DYM: variants seen among roughly 807,000 people sequenced by gnomAD.
The protein encoded by DYM is dyggve-Melchior-Clausen syndrome protein.
In DYM, 78 loss-of-function variants were observed where a neutral mutation model predicts 93.1. The ratio of observed to expected loss-of-function variants is 0.84; its 90% CI spans 0.70 to 1.01. DYM has a LOEUF of 1.01. DYM is among the 50% of genes least tolerant of loss of function. DYM has a pLI of 0.00. For missense variants in DYM, 789 were observed against 845.0 expected, an observed-to-expected ratio of 0.93 and a Z score of 0.82; for synonymous variants, 321 against 319.7, an observed-to-expected ratio of 1.00 and a Z score of -0.04.
intron 16 of DYM, among the ~76,000 whole-genome samples, chr18:49,114,071 G>A (rs1044725834): frequency 6.6e-6 from 1 of 152,146 alleles, no homozygotes; most frequent in African/African-American, 2.4e-5. Flanking sequence ...GATGGCGAAA[G>A]GGCCAATGAC....
chr18:49,220,990 T>A lies in DYM; in HGVS notation c.1461-11275A>T, dbSNP rs537252755. On this transcript the variant is annotated intron_variant, in intron 13 of 17. Coordinates refer to ENST00000675505, the MANE Select transcript of DYM (RefSeq NM_001353214.3). ...GGCAACCTAGAGAATGGGAGAAAAT[T>A]TTCGCAACCTACTCATCTGACAAAG... Among the ~76,000 whole-genome samples, 9 of 152,138 alleles carry A rather than the reference T, an allele frequency of 5.9e-5. No individual in the cohort carries two copies. The East Asian group carries it at 1.5e-3, about 26-fold the overall frequency.
chr18:49,228,925 A>G (rs1469210364), intron 13 of DYM, among the ~76,000 whole-genome samples: 3 of 152,152 alleles, frequency 2.0e-5, no homozygotes, highest in Non-Finnish European at 4.4e-5. Flanking sequence ...TTTATCTCAC[A>G]TCTGAATAAA....
intron 17 of DYM, among the ~76,000 whole-genome samples, chr18:49,094,669 G>A (rs1221706243): frequency 6.6e-6 from 1 of 152,124 alleles, no homozygotes; most frequent in East Asian, 1.9e-4. Flanking sequence ...ATTTTAGAAG[G>A]CTATGTCAAA....
At chr18:49,350,726 G>GAAAAAAAAAAAAAAA (rs72289769) in intron 6 of DYM, among the ~76,000 whole-genome samples, 1 of 119,944 alleles carries the variant, frequency 8.3e-6, no homozygotes, top group Non-Finnish European at 1.8e-5. Context: ...GAAAAAAAAA[G>GAAAAAAAAAAAAAAA]AAAAAAAAAA....
intron 10 of DYM, among the ~76,000 whole-genome samples, chr18:49,275,323 G>A (rs186286836): frequency 6.6e-6 from 1 of 152,270 alleles, no homozygotes; most frequent in Admixed American, 6.5e-5. Flanking sequence ...CTCCATTGAT[G>A]TATTATGTCT....
intron 17 of DYM, among the ~76,000 whole-genome samples, chr18:49,084,977 T>C (rs1029746676): frequency 1.3e-5 from 2 of 152,336 alleles, no homozygotes; most frequent in South Asian, 2.1e-4. Flanking sequence ...CATTTCTTGA[T>C]ATGAAAAGCC....
intron 1 of DYM, among the ~76,000 whole-genome samples, chr18:49,443,155 T>C (rs1426129919): frequency 6.6e-6 from 1 of 152,220 alleles, no homozygotes; most frequent in Non-Finnish European, 1.5e-5. Context: ...ACCTGATTTT[T>C]ACATTTTTAA....
At chr18:49,231,278 G>C (rs1283385886) in intron 13 of DYM, among the ~76,000 whole-genome samples, 1 of 152,190 alleles carries the variant, frequency 6.6e-6, no homozygotes, top group Non-Finnish European at 1.5e-5. Context: ...CAAAGCAGAG[G>C]GGAGCTGCTC....
intron 17 of DYM, among the ~76,000 whole-genome samples, chr18:49,079,627 A>G (rs1480173064): frequency 1.3e-5 from 2 of 151,584 alleles, no homozygotes; most frequent in African/African-American, 4.8e-5. Flanking sequence ...TGCTGCCTTC[A>G]AGCATCTGTT....
intron 8 of DYM, among the ~76,000 whole-genome samples, chr18:49,300,795 T>C (rs1211507734): frequency 6.6e-6 from 1 of 152,096 alleles, no homozygotes; most frequent in East Asian, 1.9e-4. Context: ...GGCTGTTAGT[T>C]TTTCTGGGAA....
rs553760181 is a variant in DYM at position 49,155,155 on chromosome 18, T to C, written c.1728+8530A>G. ...AGGTTGAAGAATATACACACCTTTG[T>C]GGAACTGCATATCTAGCTGACTTTC... is the stretch of plus-strand genomic sequence containing the variant. On this transcript the variant is annotated intron_variant, in intron 15 of 17. Transcript: ENST00000675505. 9.8e-5 allele frequency among the ~76,000 whole-genome samples: 15 copies of C among 152,358 alleles called. No individual in the cohort carries two copies. In the East Asian group the frequency reaches 2.9e-3, roughly 29 times the overall value.
intron 2 of DYM, among the ~76,000 whole-genome samples, chr18:49,424,291 A>C (rs1314037418): frequency 6.6e-6 from 1 of 152,198 alleles, no homozygotes; most frequent in East Asian, 1.9e-4. Context: ...AACCAAGGAC[A>C]AAAACCACAT....
chr18:49,244,775 G>T (rs936365926), intron 13 of DYM, among the ~76,000 whole-genome samples: 1 of 152,182 alleles, frequency 6.6e-6, no homozygotes. Context: ...TATAGAGCCA[G>T]TAGATTTTAA....
At chr18:49,460,275 C>A (rs901111626) in intron 1 of DYM, 123 bp downstream of exon 1, 1 of 152,146 alleles carries the variant, frequency 6.6e-6, no homozygotes, top group African/African-American at 2.4e-5. Flanking sequence ...AGGGTCCCTT[C>A]GCCGCCGCCC....
intron 16 of DYM, among the ~76,000 whole-genome samples, chr18:49,115,168 G>A (rs776104449): frequency 4.6e-5 from 7 of 152,234 alleles, no homozygotes; most frequent in Non-Finnish European, 8.8e-5. Context: ...GTTATTGCAC[G>A]TAAGTGCTTA....
chr18:49,081,663 T>G (rs1376644814), intron 17 of DYM, among the ~76,000 whole-genome samples: 2 of 152,204 alleles, frequency 1.3e-5, no homozygotes, highest in East Asian at 3.9e-4. Flanking sequence ...GTTCTGCAGA[T>G]GTGTGGTTCA....
rs74694639 is a variant in DYM, at chr18:49,331,586, T to C, written c.763+278A>G. ...CAAATGCTTAATTTTATTTTTACTA[T>C]ACAGCTACAATTCATGCAATACGCA... On this transcript the variant is annotated intron_variant, in intron 8 of 17. Coordinates refer to ENST00000675505, the MANE Select transcript of DYM (RefSeq NM_001353214.3). Among the ~76,000 whole-genome samples, 12,869 of 152,320 alleles carry C rather than the reference T, an allele frequency of 0.084. 665 individuals carry two copies. Among genetic ancestry groups the C allele is most frequent in the East Asian group, 0.18 (939 of 5,184 alleles).
intron 8 of DYM, among the ~76,000 whole-genome samples, chr18:49,296,708 C>A (rs992783789): frequency 6.6e-6 from 1 of 152,120 alleles, no homozygotes; most frequent in African/African-American, 2.4e-5. Flanking sequence ...TATTTCCTAC[C>A]TTTTTAAAAT....
chr18:49,200,181 A>G (rs117039947), intron 14 of DYM, among the ~76,000 whole-genome samples: 1 of 152,224 alleles, frequency 6.6e-6, no homozygotes, highest in Non-Finnish European at 1.5e-5. Context: ...CATACATGTA[A>G]CTTAGGGGTG....
Sources: gnomAD v4.1 joint callset for allele counts (sites outside exome capture counted in the v4.1 genomes callset) on GRCh38, gnomAD v4.1.1 for gene constraint, MANE v1.5 for transcripts, NCBI Gene and HGNC (gene_info 2026-07-23, HGNC 2026-07-21) for gene names.